Variants in SDSL observed in about 807,000 individuals in gnomAD.
The protein encoded by SDSL is serine dehydratase-like.
SDSL carries 26 observed loss-of-function variants against 27.6 expected under a neutral mutation model. The observed-to-expected ratio is 0.94, with a 90% CI of 0.69 to 1.31. The LOEUF (loss-of-function observed/expected upper bound fraction) is 1.31. SDSL is among the 50% of genes most tolerant of loss of function. SDSL has a pLI of 0.00. For missense variants in SDSL, 431 were observed against 423.5 expected (o/e 1.02, Z -0.16); for synonymous variants, 196 against 180.6 (o/e 1.09, Z -0.69).
At chr12:113,436,720 T>C (rs769800253) in intron 6 of SDSL, 31 bp from the exon 7 acceptor site, 1 of 1,550,872 alleles carries the variant, frequency 6.4e-7, no homozygotes, top group South Asian at 1.2e-5. Flanking sequence ...GAGCCCCTGG[T>C]CTCCCTGCCC....
Position 113,432,264 on chromosome 12 carries a change from C to T in SDSL, c.355-1870C>T, listed in dbSNP as rs574679369. Among the ~76,000 whole-genome samples the T allele has an allele frequency of 8.5e-4, 113 of 133,216 alleles. 2 individuals are homozygous for T. The highest frequency in any genetic ancestry group is 3.2e-3 in the African/African-American group (105 of 32,490). The allele number at this position is 133,216 out of a possible 152,430, so 87.4% of individuals were successfully genotyped here. ...TCTTTCTTTCTTTCTTTCTTTCTTT[C>T]TTTCTTTCTTTCTTTCTTTCTTTCT... On this transcript the variant is annotated intron_variant, in intron 4 of 7. Coordinates refer to ENST00000403593, the MANE Select transcript of SDSL (RefSeq NM_001304993.2).
chr12:113,424,738 TCTC>T (rs1205345558), intron 1 of SDSL, among the ~76,000 whole-genome samples: 2 of 149,712 alleles, frequency 1.3e-5, no homozygotes, highest in African/African-American at 4.9e-5. Flanking sequence ...TCTCTCTCTC[TCTC>T]TTTTTTTTTT....
chr12:113,432,231 T>G (rs891473486), intron 4 of SDSL, among the ~76,000 whole-genome samples: 4 of 97,638 alleles, frequency 4.1e-5, no homozygotes, highest in Admixed American at 2.9e-4. Flanking sequence ...TTTCTTTCTT[T>G]CTTTCTTTCT....
intron 1 of SDSL, among the ~76,000 whole-genome samples, chr12:113,424,860 C>T (rs1957829478): frequency 6.6e-6 from 1 of 152,044 alleles, no homozygotes; most frequent in Non-Finnish European, 1.5e-5. Context: ...CTCAGCCTCC[C>T]AAGTAGCTGG....
In SDSL at chr12:113,435,203, G is replaced by T. The variant is rs1281366953; in HGVS notation, c.444-126G>T. 3.0e-5 allele frequency: 17 copies of T among 569,650 alleles called. No homozygotes were observed. In the East Asian group the frequency reaches 5.2e-4, roughly 17 times the overall value. 35.3% of individuals were successfully genotyped at this position (569,650 alleles called of 1,614,324 possible). A position where few individuals can be genotyped will look rare whatever the true frequency, so the allele number is the denominator to read the frequency against. On this transcript the variant is annotated intron_variant, in intron 5 of 7. Coordinates refer to ENST00000403593, the MANE Select transcript of SDSL (RefSeq NM_001304993.2). Reference sequence around the variant, plus strand: ...CCCTCACCGTGGATGGGATGGGGATGGTGGGGAGGGGTTTATGTATATGAG... The same window carrying T: ...CCCTCACCGTGGATGGGATGGGGATTGTGGGGAGGGGTTTATGTATATGAG...
chr12:113,425,474 CAAG>C (rs1475383173), intron 1 of SDSL, among the ~76,000 whole-genome samples: 1 of 152,244 alleles, frequency 6.6e-6, no homozygotes, highest in South Asian at 2.1e-4. Flanking sequence ...TAAGGGTGGA[CAAG>C]AAGGTTAGGT....
chr12:113,434,090 A>G, intron 4 of SDSL, 44 bp from the exon 5 acceptor site: 6 of 1,532,634 alleles, frequency 3.9e-6, no homozygotes, highest in Non-Finnish European at 5.4e-6. Context: ...CCTCCATAGC[A>G]GTCCCACTCC....
rs61734860 is a variant in SDSL at position 113,438,010 on chromosome 12, C to T, written c.921C>T (p.Ile307=). The T allele has an allele frequency of 8.4e-4, 1,353 of 1,614,172 alleles. No individual in the cohort carries two copies. The African/African-American group carries it at 9.1e-3, about 11-fold the overall frequency. ...LPPSLTSVVV[I]VCGGNNINSR... ...CTTCCCTGACTTCAGTTGTGGTAATCGTGTGTGGAGGCAACAACATCAACA... is the reference window on the plus strand; with the variant it reads ...CTTCCCTGACTTCAGTTGTGGTAATTGTGTGTGGAGGCAACAACATCAACA... The change falls in exon 8 of 8, where the codon ATC becomes ATT. Residue 307 remains isoleucine, a synonymous_variant. Transcript: ENST00000403593.
intron 1 of SDSL, among the ~76,000 whole-genome samples, chr12:113,425,472 G>C (rs1377942812): frequency 6.6e-6 from 1 of 152,168 alleles, no homozygotes; most frequent in African/African-American, 2.4e-5. Context: ...CTTAAGGGTG[G>C]ACAAGAAGGT....
chr12:113,436,992 AGTTACTGTG>A, intron 7 of SDSL, 117 bp downstream of exon 7: 1 of 1,097,648 alleles, frequency 9.1e-7, no homozygotes, highest in Non-Finnish European at 1.2e-6. Context: ...CTAGGTGTGC[AGTTACTGTG>A]CACTAAGTGC....
chr12:113,430,233 C>G (rs906032850), intron 4 of SDSL, among the ~76,000 whole-genome samples: 2 of 152,128 alleles, frequency 1.3e-5, no homozygotes, highest in Non-Finnish European at 2.9e-5. Context: ...AAGACATGGT[C>G]TTTACACTCA....
At chr12:113,427,915 A>G in intron 1 of SDSL, 47 bp from the exon 2 acceptor site, 1 of 1,526,138 alleles carries the variant, frequency 6.6e-7, no homozygotes, top group South Asian at 1.2e-5. Context: ...GGTTAAGGGA[A>G]CTCTTGATGG....
At chr12:113,432,454 G>A (rs1172027404) in intron 4 of SDSL, among the ~76,000 whole-genome samples, 2 of 151,950 alleles carry the variant, frequency 1.3e-5, no homozygotes, top group Non-Finnish European at 2.9e-5. Flanking sequence ...CGATTCCGCT[G>A]CCTCAGCCTC....
chr12:113,431,902 C>T (rs868862905), intron 4 of SDSL, among the ~76,000 whole-genome samples: 12 of 151,098 alleles, frequency 7.9e-5, no homozygotes, highest in African/African-American at 1.9e-4. Flanking sequence ...ACAGCCACCA[C>T]GCCTGGCTAT....
At chr12:113,423,183 G>A (rs568431946) in intron 1 of SDSL, among the ~76,000 whole-genome samples, 7 of 152,230 alleles carry the variant, frequency 4.6e-5, no homozygotes, top group Non-Finnish European at 1.0e-4. Flanking sequence ...GAGGGCTGGG[G>A]AAGCCTGGAA....
chr12:113,437,594 T>C (rs1413495749), intron 7 of SDSL, among the ~76,000 whole-genome samples: 2 of 151,964 alleles, frequency 1.3e-5, no homozygotes, highest in Non-Finnish European at 1.5e-5. Flanking sequence ...AATGGGTGGA[T>C]GGATGGATAT....
chr12:113,429,625 A>G (rs1957895289), intron 4 of SDSL, among the ~76,000 whole-genome samples: 1 of 152,176 alleles, frequency 6.6e-6, no homozygotes, highest in African/African-American at 2.4e-5. Context: ...TTGCTGTTAG[A>G]TAAGACAAGA....
chr12:113,435,415 G>A lies in SDSL; in HGVS notation c.530G>A (p.Gly177Asp), dbSNP rs759737925. 5.6e-6 allele frequency: 9 copies of A among 1,612,734 alleles called. No individual in the cohort carries two copies. The highest frequency in any genetic ancestry group is 1.1e-5 in the South Asian group (1 of 90,946). The change falls in exon 6 of 8, where the codon GGT (glycine) becomes GAT (aspartate). Residue 177 changes from glycine (G) to aspartate (D), a missense_variant. By Grantham distance (94) the Gly-to-Asp change is moderately conservative. Coordinates refer to ENST00000403593, the MANE Select transcript of SDSL (RefSeq NM_001304993.2). ...CTGGTGCTGGCAGTTGGGGGTGGGG[G>A]TCTCCTGGCCGGGGTGGTGGCTGGC... The part of the protein sequence containing the change: ...GALVLAVGGG[G>D]LLAGVVAGLL...
In SDSL at chr12:113,429,158, A is replaced by G. The variant is rs951310924; in HGVS notation, c.215-2A>G. The G allele has an allele frequency of 5.6e-6, 9 of 1,611,534 alleles. No homozygotes were observed. Among genetic ancestry groups the G allele is most frequent in the Non-Finnish European group, 7.6e-6 (9 of 1,178,422 alleles). ...ACTGCCCCTTTCCTCCTTTCTGCAC[A>G]GGGGGTAATGCGGGCATCGCTGCTG... is the stretch of plus-strand genomic sequence containing the variant. On this transcript the variant is annotated splice_acceptor_variant, in intron 3 of 7. Transcript: ENST00000403593. LOFTEE classifies it high-confidence loss of function.
Sources: allele counts gnomAD v4.1 joint callset (sites outside exome capture counted in the v4.1 genomes callset), GRCh38; gene constraint gnomAD v4.1.1; transcripts MANE v1.5; gene names NCBI Gene and HGNC (gene_info 2026-07-23, HGNC 2026-07-21).